Variants in SREBF2 observed in about 807,000 individuals in gnomAD.
SREBF2 encodes sterol regulatory element-binding protein 2.
Under a neutral mutation model 113.1 loss-of-function variants are expected in SREBF2, and 55 were observed. The observed-to-expected ratio is 0.49, with a 90% CI of 0.39 to 0.61. The LOEUF (loss-of-function observed/expected upper bound fraction) is 0.61, where lower values mean the gene tolerates loss of function less well. SREBF2 is among the 20% of genes least tolerant of loss of function. The pLI is 0.00. For synonymous variants in SREBF2, 593 were observed against 605.7 expected, an observed-to-expected ratio of 0.98 and a Z score of 0.31; for missense variants, 1,349 against 1,487.4, an observed-to-expected ratio of 0.91 and a Z score of 1.53.
chr22:41,838,643 G>A (rs1392296905), intron 1 of SREBF2, among the ~76,000 whole-genome samples: 1 of 152,202 alleles, frequency 6.6e-6, no homozygotes, highest in Non-Finnish European at 1.5e-5. Flanking sequence ...TGAGGCAGGA[G>A]AATCGCTTGA....
intron 8 of SREBF2, among the ~76,000 whole-genome samples, chr22:41,877,665 G>A (rs1422189791): frequency 1.3e-5 from 2 of 152,206 alleles, no homozygotes; most frequent in African/African-American, 2.4e-5. Flanking sequence ...ACCCTGGGGT[G>A]GAGGGGTGGT....
chr22:41,846,883 G>A (rs920161128), intron 1 of SREBF2, among the ~76,000 whole-genome samples: 1 of 152,160 alleles, frequency 6.6e-6, no homozygotes, highest in Non-Finnish European at 1.5e-5. Flanking sequence ...AGTTTATGGA[G>A]TTGGTTAGGT....
At position 41,894,887 on chromosome 22, in the gene SREBF2, G is replaced by T. The variant is rs542809093; in HGVS notation, c.2445G>T (p.Leu815Phe). ...KNLLERAIES[L>F]VKPQAKKKAG... ...TGCTGGAGCGAGCTATAGAGTCCTT[G>T]GTGAAACCTCAGGCCAAGAAGAAGG... The change falls in exon 13 of 19, where the codon TTG (leucine) becomes TTT (phenylalanine). Residue 815 changes from leucine (L) to phenylalanine (F), a missense_variant. Leu to Phe is a conservative substitution (Grantham distance 22, BLOSUM62 0). This residue lies in a region of SREBF2 where 650 missense variants were observed against 644.1 expected (regional missense o/e 1.01). Transcript: ENST00000361204. 6.2e-7 allele frequency: 1 copy of T among 1,614,058 alleles called. No homozygotes were observed. The highest frequency in any genetic ancestry group is 2.2e-5 in the East Asian group (1 of 44,874).
chr22:41,857,708 C>T (rs1037117217), intron 1 of SREBF2, among the ~76,000 whole-genome samples: 4 of 152,320 alleles, frequency 2.6e-5, no homozygotes, highest in Admixed American at 1.3e-4. Context: ...AACACCTCCT[C>T]CAGACTCTTC....
intron 11 of SREBF2, chr22:41,891,314 A>C (rs1276217329): frequency 2.0e-5 from 3 of 152,130 alleles, no homozygotes; most frequent in African/African-American, 7.2e-5. Context: ...GGTCCTCTAC[A>C]TTTGTTCTCC....
At position 41,880,735 on chromosome 22, in the gene SREBF2, C is replaced by T. The variant is rs2077236950; in HGVS notation, c.1781C>T (p.Ala594Val). The T allele has an allele frequency of 1.2e-6, 2 of 1,614,212 alleles. No homozygotes were observed. ...DLARGDFAAA[A>V]GNLQTCLAVL... ...TTGTAGGGAGATTTTGCAGCTGCTG[C>T]CGGCAACCTACAAACCTGCCTGGCA... The change falls in exon 10 of 19, where the codon GCC (alanine) becomes GTC (valine). Residue 594 changes from alanine to valine, a missense_variant. Physicochemically the swap from Ala to Val is moderately conservative, Grantham distance 64 (BLOSUM62 0). Transcript: ENST00000361204.
intron 13 of SREBF2, among the ~76,000 whole-genome samples, chr22:41,895,852 G>A (rs73165110): frequency 0.055 from 8,373 of 151,502 alleles, 290 homozygotes; most frequent in Non-Finnish European, 0.075. Flanking sequence ...GTTGAAAGGG[G>A]ATGGGGGCTG....
Position 41,870,953 on chromosome 22 carries a change from G to T in SREBF2, c.785G>T (p.Gly262Val). 1 of 1,614,056 alleles carries T rather than the reference G, an allele frequency of 6.2e-7. No individual in the cohort carries two copies. Among genetic ancestry groups the T allele is most frequent in the Non-Finnish European group, 8.5e-7 (1 of 1,180,012 alleles). Residue 262 changes from glycine to valine, a missense_variant, in exon 4 of 19, where the codon GGC (glycine) becomes GTC (valine). By Grantham distance (109) the Gly-to-Val change is moderately radical (BLOSUM62 -3). Around this residue, in one of 2 missense-constraint regions of SREBF2, gnomAD observed 699 missense variants for 843.3 expected, o/e 0.83. Transcript: ENST00000361204. ...GTTTTGACCACACTGAAGACAGATG[G>T]CAGCCCTGTTATGGCTGCGGTCCAG... Reference protein sequence around the residue: ...SLVLTTLKTDGSPVMAAVQNP... With the variant: ...SLVLTTLKTDVSPVMAAVQNP...
At chr22:41,878,158 C>A (rs1460351507) in intron 9 of SREBF2, 35 bp downstream of exon 9, 2 of 1,612,084 alleles carry the variant, frequency 1.2e-6, no homozygotes, top group South Asian at 1.1e-5. Context: ...CATCCTCCCC[C>A]AGACTTGACA....
At position 41,885,025 on chromosome 22, in the gene SREBF2, G is replaced by C; in HGVS notation, c.2208+14G>C. The C allele has an allele frequency of 1.2e-6, 2 of 1,613,692 alleles. No homozygotes were observed. Among genetic ancestry groups the C allele is most frequent in the Non-Finnish European group, 1.7e-6 (2 of 1,179,924 alleles). ...GGCTTCCTGGCCGTGAGTACCCTTC[G>C]GTTCCCTTCTGTAAACCTCCCCTGA... is the stretch of plus-strand genomic sequence containing the variant. On this transcript the variant is annotated intron_variant, in intron 11 of 18. Coordinates refer to ENST00000361204, the MANE Select transcript of SREBF2 (RefSeq NM_004599.4).
intron 1 of SREBF2, among the ~76,000 whole-genome samples, chr22:41,862,977 G>T (rs2148370235): frequency 6.6e-6 from 1 of 152,286 alleles, no homozygotes; most frequent in African/African-American, 2.4e-5. Context: ...TCTGACCTGT[G>T]TAGGTTACTT....
chr22:41,892,077 GC>G (rs1221880786), intron 11 of SREBF2, among the ~76,000 whole-genome samples: 9 of 152,160 alleles, frequency 5.9e-5, no homozygotes, highest in Non-Finnish European at 1.3e-4. Flanking sequence ...CACATCAGGG[GC>G]TCATGCAGGG....
chr22:41,865,622 C>G (rs1169467375), intron 1 of SREBF2, among the ~76,000 whole-genome samples: 2 of 152,130 alleles, frequency 1.3e-5, no homozygotes, highest in Non-Finnish European at 2.9e-5. Flanking sequence ...GGAACATGAT[C>G]TAGAAAGGGA....
chr22:41,841,363 C>T (rs766587068), intron 1 of SREBF2, among the ~76,000 whole-genome samples: 25 of 152,218 alleles, frequency 1.6e-4, no homozygotes, highest in Non-Finnish European at 3.2e-4. Context: ...CTGTTGTCCA[C>T]AGCTTATTTA....
intron 1 of SREBF2, among the ~76,000 whole-genome samples, chr22:41,857,066 CAAA>C (rs533566059): frequency 4.7e-5 from 5 of 106,700 alleles, no homozygotes; most frequent in African/African-American, 6.9e-5. Flanking sequence ...GACTCTGTCT[CAAA>C]AAAAAAAAAA....
In SREBF2 at chr22:41,893,247, C is replaced by T. The variant is rs150678088; in HGVS notation, c.2339C>T (p.Ala780Val). 3.1e-6 allele frequency: 5 copies of T among 1,614,208 alleles called. No homozygotes were observed. The highest frequency in any genetic ancestry group is 2.7e-5 in the African/African-American group (2 of 75,054). ...GAGCGGAGCTGGTCTGTGAAGTCAG[C>T]TGCCAAGGAGAGTCTATACTGTGCC... ...FMERSWSVKS[A>V]AKESLYCAQR... Residue 780 changes from alanine to valine, a missense_variant, in exon 12 of 19, where the codon GCT (alanine) becomes GTT (valine). Transcript: ENST00000361204.
chr22:41,904,706 CG>C lies in SREBF2; in HGVS notation c.3094-154del, dbSNP rs1163550346. 5.5e-6 allele frequency: 4 copies of C among 724,612 alleles called. No individual in the cohort carries two copies. In the African/African-American group the frequency reaches 7.0e-5, roughly 13 times the overall value. 44.9% of individuals were successfully genotyped at this position (724,612 alleles called of 1,614,324 possible). The stretch of plus-strand genomic sequence containing the variant: ...TCCTGCCTGGCTCAGGGTCAGAGTA[CG>C]GGACAACAGAGGTTGCTTTTCAGGG... On this transcript the variant is annotated intron_variant, in intron 17 of 18. Coordinates refer to ENST00000361204, the MANE Select transcript of SREBF2 (RefSeq NM_004599.4).
chr22:41,833,146 G>A lies in SREBF2; in HGVS notation c.-125G>A, dbSNP rs1330633608. 2.7e-5 allele frequency: 18 copies of A among 667,830 alleles called. No individual in the cohort carries two copies. Among genetic ancestry groups the A allele is most frequent in the East Asian group, 2.0e-4 (6 of 29,284 alleles). The allele number at this position is 667,830 out of a possible 1,614,324, so 41.4% of individuals were successfully genotyped here. A position where few individuals can be genotyped will look rare whatever the true frequency, so the allele number is the denominator to read the frequency against. On this transcript the variant is annotated 5_prime_UTR_variant, in exon 1 of 19. Transcript: ENST00000361204. The surrounding 1 kb of genome is among the most constrained non-coding windows in gnomAD (Gnocchi z 4.1). ...CGGGCGCAACGCAAACATGGCGGCG[G>A]GTGGCACCCGTCGGTGAGGCGGTGC... is the stretch of plus-strand genomic sequence containing the variant.
chr22:41,848,622 G>A (rs905516824), intron 1 of SREBF2, among the ~76,000 whole-genome samples: 3 of 152,100 alleles, frequency 2.0e-5, no homozygotes, highest in Non-Finnish European at 4.4e-5. Context: ...GAAACTCCTA[G>A]GAGGAAGCAC....
Sources: gnomAD v4.1 joint callset for allele counts (sites outside exome capture counted in the v4.1 genomes callset) on GRCh38, gnomAD v4.1.1 for gene constraint, gnomAD v4.1.1 regional missense constraint, Gnocchi (gnomAD v3.1) non-coding constraint, MANE v1.5 for transcripts, NCBI Gene and HGNC (gene_info 2026-07-23, HGNC 2026-07-21) for gene names.